WNT7B: variants seen among roughly 807,000 people sequenced by gnomAD.
The protein encoded by WNT7B is protein Wnt-7b.
Under a neutral mutation model 38.2 loss-of-function variants are expected in WNT7B, and 19 were observed. The ratio of observed to expected loss-of-function variants is 0.50; its 90% CI spans 0.35 to 0.73. The LOEUF (loss-of-function observed/expected upper bound fraction) is 0.73, where lower values mean the gene tolerates loss of function less well. Among genes scored for constraint, WNT7B ranks in the 30% least tolerant of loss-of-function variants. WNT7B has a pLI of 0.01. For missense variants in WNT7B, 423 were observed against 507.9 expected (o/e 0.83, Z 1.61); for synonymous variants, 243 against 209.3 (o/e 1.16, Z -1.39).
At position 45,975,335 on chromosome 22, in the gene WNT7B, C is replaced by T. The variant is rs1254751989; in HGVS notation, c.71+1349G>A. ...AGCAGCCTGCCCACTCCACCCCCCG[C>T]CCAGCAGGCTCAATGCCCCGCACCC... On this transcript the variant is annotated intron_variant, in intron 1 of 3. Transcript: ENST00000339464. The surrounding 1 kb of genome is among the most constrained non-coding windows in gnomAD (Gnocchi z 6.6). Among the ~76,000 whole-genome samples, 1 of 152,110 alleles carries T rather than the reference C, an allele frequency of 6.6e-6. No homozygotes were observed. The highest frequency in any genetic ancestry group is 1.5e-5 in the Non-Finnish European group (1 of 67,994).
chr22:45,957,104 C>CAAAAAAAAAAAA (rs34329899), intron 1 of WNT7B, among the ~76,000 whole-genome samples: 1 of 80,706 alleles, frequency 1.2e-5, no homozygotes, highest in South Asian at 4.5e-4. Flanking sequence ...GACTCTGTCT[C>CAAAAAAAAAAAA]AAAAAAAAAA....
Position 45,976,211 on chromosome 22 carries a change from C to G in WNT7B, c.71+473G>C, listed in dbSNP as rs1365623269. On this transcript the variant is annotated intron_variant, in intron 1 of 3. Transcript: ENST00000339464. The surrounding 1 kb of genome is among the most constrained non-coding windows in gnomAD (Gnocchi z 8.5). The stretch of plus-strand genomic sequence containing the variant: ...AGACGAAGGGCCGCGGCGGGTGCCC[C>G]GGCCTGCGCGCTCGCGGCCGGGTGC... Among the ~76,000 whole-genome samples, 1 of 146,194 alleles carries G rather than the reference C, an allele frequency of 6.8e-6. No individual in the cohort carries two copies. Among genetic ancestry groups the G allele is most frequent in the Non-Finnish European group, 1.5e-5 (1 of 65,704 alleles).
At chr22:45,964,720 C>T (rs1363580688) in intron 1 of WNT7B, among the ~76,000 whole-genome samples, 1 of 148,154 alleles carries the variant, frequency 6.7e-6, no homozygotes, top group Non-Finnish European at 1.5e-5. Flanking sequence ...GTTCACGGGG[C>T]CCCAGACCCA....
At position 45,952,775 on chromosome 22, in the gene WNT7B, C is replaced by T. The variant is rs1931963813; in HGVS notation, c.72-2629G>A. On this transcript the variant is annotated intron_variant, in intron 1 of 3. Coordinates refer to ENST00000339464, the MANE Select transcript of WNT7B (RefSeq NM_058238.3). ...CAAAGCCCTGGCTTCCCGCCACCAG[C>T]CAGCTGTCCACCACCGGCCCTGCCA... 3.9e-5 allele frequency among the ~76,000 whole-genome samples: 6 copies of T among 152,304 alleles called. No individual in the cohort carries two copies. In the South Asian group the frequency reaches 1.2e-3, roughly 32 times the overall value.
At chr22:45,940,310 G>A (rs982587708) in intron 2 of WNT7B, among the ~76,000 whole-genome samples, 10 of 152,090 alleles carry the variant, frequency 6.6e-5, no homozygotes, top group Non-Finnish European at 1.2e-4. Flanking sequence ...GACACAGCAG[G>A]TGAGACACCG....
chr22:45,944,008 G>A (rs1156533070), intron 2 of WNT7B, among the ~76,000 whole-genome samples: 1 of 152,164 alleles, frequency 6.6e-6, no homozygotes, highest in Non-Finnish European at 1.5e-5. Context: ...CCATTCTGAG[G>A]AGAAACCCCA....
At position 45,975,723 on chromosome 22, in the gene WNT7B, C is replaced by T; in HGVS notation, c.71+961G>A. ...TGGACGGGGCTCGCCTCGGGGCAGC[C>T]GGCGGCGCACAGTAGGCGCGCAGGG... On this transcript the variant is annotated intron_variant, in intron 1 of 3. Transcript: ENST00000339464. This position sits in a 1 kb window ranked among gnomAD's most constrained non-coding sequence, Gnocchi z 6.6. 1 of 461,618 alleles carries T rather than the reference C, an allele frequency of 2.2e-6. No homozygotes were observed. The highest frequency in any genetic ancestry group is 4.0e-6 in the Non-Finnish European group (1 of 252,032). 28.6% of individuals were successfully genotyped at this position (461,618 alleles called of 1,614,324 possible).
At chr22:45,935,626 G>A (rs1001962926) in intron 2 of WNT7B, among the ~76,000 whole-genome samples, 4 of 152,174 alleles carry the variant, frequency 2.6e-5, no homozygotes, top group African/African-American at 9.7e-5. Flanking sequence ...CAGGCTGCAG[G>A]CAGGATCCAC....
chr22:45,939,261 C>A (rs936803856), intron 2 of WNT7B, among the ~76,000 whole-genome samples: 1 of 152,176 alleles, frequency 6.6e-6, no homozygotes, highest in Non-Finnish European at 1.5e-5. Context: ...GTAGGGTCAC[C>A]ATGTGACCCA....
intron 1 of WNT7B, among the ~76,000 whole-genome samples, chr22:45,974,384 TC>T (rs922996501): frequency 6.6e-6 from 1 of 152,102 alleles, no homozygotes; most frequent in African/African-American, 2.4e-5. Context: ...GGGCCCAGCT[TC>T]CCCCTTCTAC....
chr22:45,927,090 A>C (rs779706895), intron 3 of WNT7B: 2 of 985,102 alleles, frequency 2.0e-6, no homozygotes, highest in Non-Finnish European at 2.4e-6. Flanking sequence ...GCCTCTGCAG[A>C]TGGACAATCT....
chr22:45,971,342 ACTT>A (rs1489984066), intron 1 of WNT7B, among the ~76,000 whole-genome samples: 1 of 152,090 alleles, frequency 6.6e-6, no homozygotes, highest in African/African-American at 2.4e-5. Flanking sequence ...CATAAATGAA[ACTT>A]CTTTTTAAGT....
intron 2 of WNT7B, among the ~76,000 whole-genome samples, chr22:45,948,831 T>A (rs915273304): frequency 9.7e-6 from 1 of 102,742 alleles, no homozygotes; most frequent in Non-Finnish European, 1.8e-5. Flanking sequence ...AGATCCCTTT[T>A]TTTTTTTTTT....
intron 3 of WNT7B, chr22:45,927,464 T>C: frequency 1.3e-6 from 2 of 1,549,746 alleles, no homozygotes; most frequent in Non-Finnish European, 1.7e-6. Context: ...ACCCCCCAAA[T>C]TCATGTCTGC....
intron 2 of WNT7B, 126 bp from the exon 3 acceptor site, chr22:45,931,495 G>T (rs572369980): frequency 3.4e-6 from 4 of 1,184,560 alleles, no homozygotes; most frequent in Non-Finnish European, 3.4e-6. Flanking sequence ...CTCATCGCTC[G>T]CCCCCTCTGT....
intron 1 of WNT7B, among the ~76,000 whole-genome samples, chr22:45,957,684 A>C (rs1465877874): frequency 1.1e-5 from 1 of 87,850 alleles, no homozygotes; most frequent in East Asian, 2.4e-4. Flanking sequence ...CTCCGTCTCA[A>C]AAAAAAAAAA....
chr22:45,931,095 T>C lies in WNT7B; in HGVS notation c.570+3A>G. 2 of 1,571,216 alleles carry C rather than the reference T, an allele frequency of 1.3e-6. No individual in the cohort carries two copies. On this transcript the variant is annotated splice_donor_region_variant and intron_variant, in intron 3 of 3. Coordinates refer to ENST00000339464, the MANE Select transcript of WNT7B (RefSeq NM_058238.3). ...GCCCCCACCAGCCGCACCCGCACCC[T>C]ACCTTCCTGCCGGCCTCATTGTTAT... is the stretch of plus-strand genomic sequence containing the variant.
Position 45,922,583 on chromosome 22 carries a change from G to T in WNT7B, c.*273C>A, listed in dbSNP as rs1264739461. The T allele has an allele frequency of 4.1e-6, 2 of 489,958 alleles. No individual in the cohort carries two copies. The highest frequency in any genetic ancestry group is 3.8e-5 in the African/African-American group (2 of 51,958). 30.4% of individuals were successfully genotyped at this position (489,958 alleles called of 1,614,324 possible). ...GAAGAAAGAGAACTTGCCGGGCCCC[G>T]TCGGGGAGCACCAAGACCCCTGGCC... On this transcript the variant is annotated 3_prime_UTR_variant, in exon 4 of 4. Transcript: ENST00000339464.
At chr22:45,942,921 C>T (rs1033210504) in intron 2 of WNT7B, among the ~76,000 whole-genome samples, 1 of 146,102 alleles carries the variant, frequency 6.8e-6, no homozygotes, top group African/African-American at 2.5e-5. Flanking sequence ...GCAGTGTGCA[C>T]GTGTGTGCAT....
Sources: gnomAD v4.1 joint callset for allele counts (sites outside exome capture counted in the v4.1 genomes callset) on GRCh38, gnomAD v4.1.1 for gene constraint, Gnocchi (gnomAD v3.1) non-coding constraint, MANE v1.5 for transcripts, NCBI Gene and HGNC (gene_info 2026-07-23, HGNC 2026-07-21) for gene names.